NXPE4: variants seen among roughly 807,000 people sequenced by gnomAD.
NXPE4 encodes NXPE family member 4.
Under a neutral mutation model 33.3 loss-of-function variants are expected in NXPE4, and 42 were observed. The observed-to-expected ratio is 1.26, with a 90% CI of 0.98 to 1.63. The LOEUF is 1.63. Ranked by LOEUF, NXPE4 falls within the 40% of genes most tolerant of loss-of-function variation. The pLI is 0.00. For synonymous variants in NXPE4, 253 were observed against 234.9 expected (o/e 1.08, Z -0.71); for missense variants, 709 against 647.6 (o/e 1.09, Z -1.03).
chr11:114,615,536 C>A, the NXPE4 span, among the ~76,000 whole-genome samples: 1 of 151,830 alleles, frequency 6.6e-6, no homozygotes, highest in African/African-American at 2.4e-5. Flanking sequence ...ACCACTGTTA[C>A]CCGGTGGATA....
Position 114,571,123 on chromosome 11 carries a change from C to T in NXPE4, c.1450G>A (p.Ala484Thr). 1 of 1,613,888 alleles carries T rather than the reference C, an allele frequency of 6.2e-7. No homozygotes were observed. Among genetic ancestry groups the T allele is most frequent in the Non-Finnish European group, 8.5e-7 (1 of 1,179,872 alleles). Residue 484 changes from alanine to threonine, a missense_variant, in exon 6 of 6, where the codon GCA (alanine) becomes ACA (threonine). Coordinates refer to ENST00000375478, the MANE Select transcript of NXPE4 (RefSeq NM_001077639.2). ...CCATGAAAGTCACTAAATCTTTCTG[C>T]ATCATTGTACATCTCCCTGATGTTT... The part of the protein sequence containing the change: ...TENIREMYND[A>T]ERFSDFHGYI...
At chr11:114,617,704 A>G in the NXPE4 span, among the ~76,000 whole-genome samples, 1 of 152,164 alleles carries the variant, frequency 6.6e-6, no homozygotes, top group East Asian at 1.9e-4. Context: ...CCTCGTGGGT[A>G]ACCACTGTTA....
chr11:114,611,846 T>C, the NXPE4 span, among the ~76,000 whole-genome samples: 1 of 151,852 alleles, frequency 6.6e-6, no homozygotes, highest in African/African-American at 2.4e-5. Flanking sequence ...TATTTCCTCA[T>C]GGGAAACCAC....
chr11:114,614,545 G>A, the NXPE4 span, among the ~76,000 whole-genome samples: 1 of 151,678 alleles, frequency 6.6e-6, no homozygotes. Flanking sequence ...TTACCCAGTG[G>A]ATACTAAATG....
intron 5 of NXPE4, among the ~76,000 whole-genome samples, chr11:114,572,678 A>T (rs1157281221): frequency 6.6e-6 from 1 of 152,200 alleles, no homozygotes; most frequent in East Asian, 1.9e-4. Context: ...AAAGGATTTT[A>T]AAAAATGAAC....
the NXPE4 span, among the ~76,000 whole-genome samples, chr11:114,627,458 CA>C: frequency 2.3e-4 from 35 of 151,128 alleles, no homozygotes; most frequent in African/African-American, 8.5e-4. Flanking sequence ...ACTTTACAGA[CA>C]AGCAAATGCT....
the NXPE4 span, among the ~76,000 whole-genome samples, chr11:114,639,785 A>C: frequency 7.9e-6 from 1 of 126,676 alleles, no homozygotes; most frequent in African/African-American, 3.1e-5. Context: ...TATAAAATAT[A>C]ATATATATTA....
At chr11:114,643,640 A>G in the NXPE4 span, among the ~76,000 whole-genome samples, 23 of 152,044 alleles carry the variant, frequency 1.5e-4, no homozygotes, top group Non-Finnish European at 2.9e-4. Context: ...TACCAGTTCC[A>G]TGCTGTTTTC....
At chr11:114,672,748 T>A in the NXPE4 span, among the ~76,000 whole-genome samples, 1 of 151,784 alleles carries the variant, frequency 6.6e-6, no homozygotes, top group Admixed American at 6.6e-5. Context: ...TGTCAATACA[T>A]CAGGGAGATA....
chr11:114,594,660 C>T lies in NXPE4; in HGVS notation c.96+4G>A. ...GTAAACCACATAAATAAAGCATTTC[C>T]TACCTTTGTGGAGTTCTGGAAAACT... On this transcript the variant is annotated splice_donor_region_variant and intron_variant, in intron 2 of 5. Coordinates refer to ENST00000375478, the MANE Select transcript of NXPE4 (RefSeq NM_001077639.2). The T allele has an allele frequency of 1.3e-6, 2 of 1,577,466 alleles. No individual in the cohort carries two copies. The highest frequency in any genetic ancestry group is 2.3e-5 in the South Asian group (2 of 88,582).
At chr11:114,650,296 A>C in the NXPE4 span, among the ~76,000 whole-genome samples, 1 of 152,204 alleles carries the variant, frequency 6.6e-6, no homozygotes, top group Non-Finnish European at 1.5e-5. Context: ...GAATTGTTAA[A>C]CGCCAAATGT....
the NXPE4 span, among the ~76,000 whole-genome samples, chr11:114,635,963 G>A: frequency 1.2e-3 from 187 of 152,112 alleles, 1 homozygote; most frequent in African/African-American, 4.2e-3. Context: ...TTGGTATCAG[G>A]ATGATGCTGG....
chr11:114,645,204 G>A, the NXPE4 span, among the ~76,000 whole-genome samples: 1 of 152,062 alleles, frequency 6.6e-6, no homozygotes, highest in African/African-American at 2.4e-5. Context: ...CAGAGGCTGA[G>A]GCAGGAGAAT....
At chr11:114,630,122 G>A in the NXPE4 span, among the ~76,000 whole-genome samples, 2 of 151,414 alleles carry the variant, frequency 1.3e-5, no homozygotes, top group Non-Finnish European at 2.9e-5. Flanking sequence ...ATTCAATGCT[G>A]TACCCATCAA....
At chr11:114,663,670 C>CTATT in the NXPE4 span, among the ~76,000 whole-genome samples, 42 of 113,834 alleles carry the variant, frequency 3.7e-4, no homozygotes, top group East Asian at 5.0e-4. Flanking sequence ...TATCTATCAT[C>CTATT]TATCTATTTA....
intron 2 of NXPE4, among the ~76,000 whole-genome samples, chr11:114,590,685 C>T (rs1234878932): frequency 1.3e-5 from 2 of 152,100 alleles, no homozygotes; most frequent in African/African-American, 4.8e-5. Context: ...GCCTGAGGAC[C>T]AGCTCAACAA....
chr11:114,648,202 G>A, the NXPE4 span, among the ~76,000 whole-genome samples: 1 of 151,996 alleles, frequency 6.6e-6, no homozygotes, highest in Non-Finnish European at 1.5e-5. Context: ...GTGATTCAGG[G>A]AGGGGCCCCG....
the NXPE4 span, among the ~76,000 whole-genome samples, chr11:114,605,903 G>A: frequency 1.5e-4 from 22 of 150,672 alleles, no homozygotes; most frequent in Non-Finnish European, 2.1e-4. Context: ...AATGTTACCC[G>A]GTTTATAATA....
the NXPE4 span, among the ~76,000 whole-genome samples, chr11:114,629,534 G>C: frequency 6.6e-6 from 1 of 151,612 alleles, no homozygotes; most frequent in Admixed American, 6.6e-5. Context: ...AATAATAAGA[G>C]CTATCTATGA....
Sources: allele counts gnomAD v4.1 joint callset (sites outside exome capture counted in the v4.1 genomes callset), GRCh38; gene constraint gnomAD v4.1.1; transcripts MANE v1.5; gene names NCBI Gene and HGNC (gene_info 2026-07-23, HGNC 2026-07-21).